MALRD1: variants seen among roughly 807,000 people sequenced by gnomAD.
The protein encoded by MALRD1 is MAM and LDL-receptor class A domain-containing protein 1.
MALRD1 carries 247 observed loss-of-function variants against 242.1 expected under a neutral mutation model. The observed-to-expected ratio is 1.02, with a 90% CI of 0.92 to 1.13. The LOEUF (loss-of-function observed/expected upper bound fraction) is 1.13. Ranked by LOEUF, MALRD1 falls within the 50% of genes most tolerant of loss-of-function variation. The pLI is 0.00. For synonymous variants in MALRD1, 995 were observed against 866.6 expected, an observed-to-expected ratio of 1.15 and a Z score of -2.60; for missense variants, 2,989 against 2,533.1, an observed-to-expected ratio of 1.18 and a Z score of -3.86.
At chr10:19,081,064 AT>A in intron 2 of MALRD1, among the ~76,000 whole-genome samples, 1 of 152,074 alleles carries the variant, frequency 6.6e-6, no homozygotes, top group African/African-American at 2.4e-5. Flanking sequence ...CCACAATGAG[AT>A]TACCATCTCA....
intron 4 of MALRD1, among the ~76,000 whole-genome samples, chr10:19,088,452 T>C (rs1219686201): frequency 6.6e-6 from 1 of 151,662 alleles, no homozygotes; most frequent in African/African-American, 2.4e-5. Flanking sequence ...CAGTAAAATA[T>C]AACCTTTTAA....
intron 21 of MALRD1, among the ~76,000 whole-genome samples, chr10:19,311,477 G>A (rs1298093469): frequency 1.3e-5 from 2 of 151,236 alleles, no homozygotes; most frequent in African/African-American, 4.8e-5. Context: ...AGGATGTGAT[G>A]AACTGAAAGT....
intron 21 of MALRD1, among the ~76,000 whole-genome samples, chr10:19,323,067 CATT>C (rs559672565): frequency 8.2e-4 from 125 of 152,048 alleles, no homozygotes; most frequent in African/African-American, 3.0e-3. Flanking sequence ...TTGTTTCCAT[CATT>C]ATTTTTCCTT....
intron 18 of MALRD1, among the ~76,000 whole-genome samples, chr10:19,256,155 G>A (rs745740626): frequency 1.4e-4 from 22 of 151,968 alleles, no homozygotes; most frequent in Non-Finnish European, 2.1e-4. Flanking sequence ...CAAGTCAATA[G>A]TATTTATTTT....
chr10:19,282,905 T>C (rs1384329570), intron 20 of MALRD1, 114 bp from the exon 21 acceptor site: 1 of 714,776 alleles, frequency 1.4e-6, no homozygotes, highest in Admixed American at 4.1e-5. Context: ...ATTTTAATAA[T>C]GTTTAAAAGT....
intron 33 of MALRD1, among the ~76,000 whole-genome samples, chr10:19,590,864 A>G (rs1176370607): frequency 6.6e-6 from 1 of 152,210 alleles, no homozygotes; most frequent in Non-Finnish European, 1.5e-5. Context: ...CATTTGTTAC[A>G]ATCAGTGAGA....
At chr10:19,477,067 A>G (rs1054349629) in intron 29 of MALRD1, among the ~76,000 whole-genome samples, 1 of 152,168 alleles carries the variant, frequency 6.6e-6, no homozygotes, top group Non-Finnish European at 1.5e-5. Flanking sequence ...GTGGAAACAT[A>G]CATTCAGAGA....
intron 13 of MALRD1, among the ~76,000 whole-genome samples, chr10:19,168,817 G>C (rs891945876): frequency 6.6e-6 from 1 of 152,032 alleles, no homozygotes; most frequent in Non-Finnish European, 1.5e-5. Context: ...TCTCCAATCA[G>C]CCTCAATGCT....
intron 24 of MALRD1, among the ~76,000 whole-genome samples, chr10:19,332,136 T>C (rs556034897): frequency 4.0e-4 from 61 of 152,142 alleles, no homozygotes; most frequent in African/African-American, 1.4e-3. Context: ...AGTGCTGGGA[T>C]TGCAGGCATG....
At position 19,554,932 on chromosome 10, in the gene MALRD1, A is replaced by T. The variant is rs377305848; in HGVS notation, c.5479-12570A>T. Among the ~76,000 whole-genome samples the T allele has an allele frequency of 3.3e-5, 5 of 152,040 alleles. No individual in the cohort carries two copies. The East Asian group carries it at 9.6e-4, about 29-fold the overall frequency. On this transcript the variant is annotated intron_variant, in intron 32 of 39. Transcript: ENST00000454679. ...CCCACTAATGGGATTGCTGGGTCAG[A>T]TGGTATTTCTGGTTCTGGATCTTTG...
chr10:19,550,954 C>T (rs983192005), intron 32 of MALRD1, among the ~76,000 whole-genome samples: 3 of 152,110 alleles, frequency 2.0e-5, no homozygotes, highest in Admixed American at 6.6e-5. Flanking sequence ...GTTCCTTTTT[C>T]TCCACAACCT....
At chr10:19,052,066 G>A in intron 1 of MALRD1, 2 of 415,144 alleles carry the variant, frequency 4.8e-6, no homozygotes, top group Non-Finnish European at 9.3e-6. Flanking sequence ...AGCTTTGATG[G>A]CATGGTGGAT....
intron 13 of MALRD1, among the ~76,000 whole-genome samples, chr10:19,167,924 A>C (rs971518080): frequency 2.0e-5 from 3 of 152,230 alleles, no homozygotes; most frequent in Non-Finnish European, 4.4e-5. Flanking sequence ...TACTTTATAC[A>C]GTTATTGTGA....
intron 11 of MALRD1, among the ~76,000 whole-genome samples, chr10:19,152,590 A>G (rs899368266): frequency 2.0e-5 from 3 of 152,008 alleles, no homozygotes; most frequent in Admixed American, 6.6e-5. Flanking sequence ...TAATTTTGCT[A>G]TCAGGAGTTG....
chr10:19,661,996 A>G (rs1392684131), intron 36 of MALRD1, among the ~76,000 whole-genome samples: 1 of 152,166 alleles, frequency 6.6e-6, no homozygotes, highest in East Asian at 1.9e-4. Flanking sequence ...ATTTTCCAAT[A>G]TATAAATGGA....
chr10:19,687,450 C>T (rs1589401249), intron 36 of MALRD1, among the ~76,000 whole-genome samples: 1 of 152,266 alleles, frequency 6.6e-6, no homozygotes, highest in East Asian at 1.9e-4. Context: ...CTCAGCTTCC[C>T]ACAGCTGTGC....
At chr10:19,602,196 CTT>C (rs35846232) in intron 34 of MALRD1, among the ~76,000 whole-genome samples, 2 of 113,264 alleles carry the variant, frequency 1.8e-5, no homozygotes, top group Admixed American at 9.4e-5. Flanking sequence ...GTAGCATAGT[CTT>C]TTTTTTTTTT....
chr10:19,339,341 A>G (rs1588935258), intron 24 of MALRD1, among the ~76,000 whole-genome samples: 1 of 152,084 alleles, frequency 6.6e-6, no homozygotes, highest in East Asian at 1.9e-4. Flanking sequence ...CTGAGCTTAT[A>G]TTTTTCTCGT....
Position 19,435,570 on chromosome 10 carries a change from T to A in MALRD1, c.4846-14737T>A, listed in dbSNP as rs1025615420. ...AATTGGTATTTAATCTGATGCTTTT[T>A]TTAAAATGAATAGATTGGGGTAATA... On this transcript the variant is annotated intron_variant, in intron 28 of 39. Coordinates refer to ENST00000454679, the MANE Select transcript of MALRD1 (RefSeq NM_001142308.3). 3.3e-5 allele frequency among the ~76,000 whole-genome samples: 5 copies of A among 152,150 alleles called. No homozygotes were observed. The East Asian group carries it at 9.6e-4, about 29-fold the overall frequency.
Sources: gnomAD v4.1 joint callset for allele counts (sites outside exome capture counted in the v4.1 genomes callset) on GRCh38, gnomAD v4.1.1 for gene constraint, MANE v1.5 for transcripts, NCBI Gene and HGNC (gene_info 2026-07-23, HGNC 2026-07-21) for gene names.